FANCA: variants seen among roughly 807,000 people sequenced by gnomAD.
FANCA encodes FA complementation group A.
Under a neutral mutation model 194.3 loss-of-function variants are expected in FANCA, and 236 were observed. The ratio of observed to expected loss-of-function variants is 1.21; its 90% confidence interval spans 1.09 to 1.35. The LOEUF (loss-of-function observed/expected upper bound fraction) is 1.35, where lower values mean the gene tolerates loss of function less well. Among genes scored for constraint, FANCA ranks in the 40% most tolerant of loss-of-function variants. The probability of loss-of-function intolerance (pLI) is 0.00; values close to 1 mark genes in which losing one functional copy is unlikely to be tolerated. For synonymous variants in FANCA, 1,014 were observed against 715.8 expected, an observed-to-expected ratio of 1.42 and a Z score of -6.65; for missense variants, 2,628 against 1,813.9, an observed-to-expected ratio of 1.45 and a Z score of -8.15.
chr16:89,803,512 G>A (rs376648106), intron 7 of FANCA, among the ~76,000 whole-genome samples, 171 bp from the exon 8 acceptor site: 3 of 152,168 alleles, frequency 2.0e-5, no homozygotes, highest in Admixed American at 1.3e-4. Flanking sequence ...CTGCTCACCT[G>A]ACCACAGCTA....
chr16:89,758,855 G>A (rs55806646), intron 29 of FANCA, 150 bp from the exon 30 acceptor site: 1 of 1,186,076 alleles, frequency 8.4e-7, no homozygotes, highest in East Asian at 2.5e-5. Context: ...GTAGGGATGA[G>A]ACCTCACTGT....
chr16:89,742,348 CT>C, intron 37 of FANCA, among the ~76,000 whole-genome samples: 1 of 152,164 alleles, frequency 6.6e-6, no homozygotes, highest in South Asian at 2.1e-4. Context: ...GTCTGAGCTA[CT>C]CCAGAGGCTG....
intron 12 of FANCA, 107 bp from the exon 13 acceptor site, chr16:89,792,175 C>T (rs1325576744): frequency 7.6e-7 from 1 of 1,319,978 alleles, no homozygotes; most frequent in African/African-American, 1.4e-5. Flanking sequence ...CCTCACTTCC[C>T]ACTGCAAAGG....
chr16:89,779,058 C>A, intron 18 of FANCA, 55 bp from the exon 19 acceptor site: 1 of 1,547,968 alleles, frequency 6.5e-7, no homozygotes, highest in South Asian at 1.1e-5. Flanking sequence ...AAGGCAATTC[C>A]CACAGACGGT....
chr16:89,751,266 G>A lies in FANCA; in HGVS notation c.3066+872C>T, dbSNP rs559474899. On this transcript the variant is annotated intron_variant, in intron 31 of 42. Transcript: ENST00000389301. ...CTGTAATCCAACAATTTTGGAGACC[G>A]AGATGGGTGGTTCACTTGGGCCCAG... Among the ~76,000 whole-genome samples the A allele has an allele frequency of 9.2e-5, 14 of 152,178 alleles. No homozygotes were observed. In the South Asian group the frequency reaches 1.7e-3, roughly 18 times the overall value.
chr16:89,815,830 A>T, intron 2 of FANCA, 47 bp downstream of exon 2: 3 of 1,456,622 alleles, frequency 2.1e-6, no homozygotes, highest in Non-Finnish European at 1.9e-6. Flanking sequence ...GGACTCAAAA[A>T]CCCCGAACCT....
chr16:89,785,519 C>A (rs1161428263), intron 14 of FANCA, among the ~76,000 whole-genome samples: 16 of 152,170 alleles, frequency 1.1e-4, no homozygotes. Context: ...AGCTGCAAGA[C>A]CCTAGCAGAG....
intron 11 of FANCA, among the ~76,000 whole-genome samples, chr16:89,795,567 G>C (rs2040216313): frequency 6.6e-6 from 1 of 152,178 alleles, no homozygotes; most frequent in Non-Finnish European, 1.5e-5. Flanking sequence ...GAACCTGGGA[G>C]GCAGAGGTTG....
chr16:89,789,870 T>A (rs1042327443), intron 14 of FANCA, among the ~76,000 whole-genome samples: 2 of 152,114 alleles, frequency 1.3e-5, no homozygotes, highest in African/African-American at 4.8e-5. Flanking sequence ...AACTGGGGGT[T>A]TTCACAGGGG....
intron 38 of FANCA, chr16:89,740,418 T>C (rs2151715672): frequency 2.1e-6 from 1 of 469,458 alleles, no homozygotes; most frequent in African/African-American, 1.9e-5. Flanking sequence ...GGTCGGCGGA[T>C]CACTGAGGCC....
chr16:89,748,608 G>C, intron 33 of FANCA, 51 bp downstream of exon 33: 5 of 1,410,144 alleles, frequency 3.5e-6, no homozygotes, highest in South Asian at 1.2e-5. Flanking sequence ...GCTGCTGTTA[G>C]CGCCACAGGC....
rs2040090935 is a variant in FANCA, at chr16:89,791,957, A to G, written c.1195T>C (p.Cys399Arg). 1.2e-6 allele frequency: 2 copies of G among 1,614,218 alleles called. No individual in the cohort carries two copies. Among genetic ancestry groups the G allele is most frequent in the Middle Eastern group, 1.6e-4 (1 of 6,062 alleles). The change falls in exon 13 of 43, where the codon TGC becomes CGC. Residue 399 changes from cysteine (C) to arginine (R), a missense_variant. Cys to Arg is a radical substitution (Grantham distance 180). Transcript: ENST00000389301. Reference sequence around the variant, plus strand: ...AGCAGCTGCTGCGCTTCTGGAAAGCAGACAACCAGGGCAGACACAAAGGAG... The same window carrying G: ...AGCAGCTGCTGCGCTTCTGGAAAGCGGACAACCAGGGCAGACACAAAGGAG... ...VLSFVSALVV[C>R]FPEAQQLLED...
At chr16:89,802,995 A>G (rs569626534) in intron 8 of FANCA, among the ~76,000 whole-genome samples, 1 of 152,310 alleles carries the variant, frequency 6.6e-6, no homozygotes, top group East Asian at 1.9e-4. Flanking sequence ...TGAGGCGGCT[A>G]TAGTTAACAA....
intron 36 of FANCA, 126 bp downstream of exon 36, chr16:89,744,828 TTTCTC>T (rs2062207594): frequency 2.4e-6 from 2 of 848,062 alleles, no homozygotes; most frequent in Non-Finnish European, 3.8e-6. Context: ...ACTCGGTTCT[TTTCTC>T]CCTGCTCACA....
chr16:89,761,390 G>A (rs377055545), intron 29 of FANCA, among the ~76,000 whole-genome samples: 1 of 142,300 alleles, frequency 7.0e-6, no homozygotes, highest in Admixed American at 7.5e-5. Context: ...CTGCATTCCA[G>A]CCTGGGTGAC....
chr16:89,758,831 C>T, intron 29 of FANCA, 126 bp from the exon 30 acceptor site: 1 of 1,455,330 alleles, frequency 6.9e-7, no homozygotes, highest in Non-Finnish European at 9.4e-7. Flanking sequence ...AGACTGGCGG[C>T]TCGGGACCTT....
chr16:89,810,852 C>A (rs2040849293), intron 4 of FANCA, 50 bp from the exon 5 acceptor site: 2 of 1,612,406 alleles, frequency 1.2e-6, no homozygotes, highest in African/African-American at 1.3e-5. Flanking sequence ...TGAAACAATA[C>A]TAAAGCTATG....
chr16:89,778,707 G>A, intron 20 of FANCA, 94 bp downstream of exon 20: 7 of 1,121,708 alleles, frequency 6.2e-6, no homozygotes, highest in Non-Finnish European at 8.1e-6. Flanking sequence ...ACACAATAGT[G>A]GTCTAACAAA....
chr16:89,768,960 T>C (rs921067372), intron 26 of FANCA, among the ~76,000 whole-genome samples: 2 of 152,060 alleles, frequency 1.3e-5, no homozygotes, highest in Non-Finnish European at 2.9e-5. Flanking sequence ...CTGTCTGGTG[T>C]GGCCAAGCGC....
Sources: gnomAD v4.1 joint callset for allele counts (sites outside exome capture counted in the v4.1 genomes callset) on GRCh38, gnomAD v4.1.1 for gene constraint, MANE v1.5 for transcripts, NCBI Gene and HGNC (gene_info 2026-07-23, HGNC 2026-07-21) for gene names.